TEX52: variants seen among roughly 807,000 people sequenced by gnomAD.
TEX52 encodes testis expressed 52, also known as testis-expressed protein 52.
A neutral mutation model predicts 17.6 loss-of-function variants in TEX52; 22 were observed. That is an observed-to-expected ratio of 1.25 (90% CI 0.89 to 1.78). TEX52 has a LOEUF of 1.78. TEX52 is among the 40% of genes most tolerant of loss of function. TEX52 has a pLI of 0.00. For missense variants in TEX52, 396 were observed against 372.3 expected (o/e 1.06, Z -0.52); for synonymous variants, 168 against 147.4 (o/e 1.14, Z -1.01).
At chr12:2,856,882 G>A in intron 1 of TEX52, 73 bp downstream of exon 1, 1 of 699,068 alleles carries the variant, frequency 1.4e-6, no homozygotes, top group South Asian at 1.5e-5. Context: ...AGAAAGCCTG[G>A]CCCACTATAA....
intron 2 of TEX52, among the ~76,000 whole-genome samples, chr12:2,852,817 G>A (rs1298198287): frequency 6.6e-6 from 1 of 152,030 alleles, no homozygotes; most frequent in African/African-American, 2.4e-5. Flanking sequence ...GGCCAACATG[G>A]AGAAACCCCG....
At chr12:2,853,812 G>A (rs902398974) in intron 2 of TEX52, among the ~76,000 whole-genome samples, 4 of 152,034 alleles carry the variant, frequency 2.6e-5, no homozygotes, top group African/African-American at 9.7e-5. Context: ...GAGCTGCGGG[G>A]TTCACAGCGG....
At chr12:2,854,795 G>A (rs940629208) in intron 2 of TEX52, 101 bp downstream of exon 2, 36 of 1,234,378 alleles carry the variant, frequency 2.9e-5, no homozygotes, top group Non-Finnish European at 3.4e-5. Context: ...TGGCCAGAGC[G>A]GGGAAGGACA....
intron 2 of TEX52, among the ~76,000 whole-genome samples, chr12:2,852,451 C>T (rs947426775): frequency 3.9e-5 from 6 of 152,088 alleles, no homozygotes; most frequent in Admixed American, 2.6e-4. Flanking sequence ...ACTGCAGCCT[C>T]GACCTCCTGG....
intron 2 of TEX52, among the ~76,000 whole-genome samples, chr12:2,850,233 T>G (rs1381089280): frequency 6.6e-6 from 1 of 152,050 alleles, no homozygotes; most frequent in Non-Finnish European, 1.5e-5. Flanking sequence ...CCCAGCACTT[T>G]GGGAGGCCGA....
intron 2 of TEX52, among the ~76,000 whole-genome samples, chr12:2,852,557 G>T (rs116763777): frequency 6.6e-6 from 1 of 151,924 alleles, no homozygotes. Flanking sequence ...TTGTGGAGAC[G>T]GGGTCTCATA....
rs1312781954 is a variant in TEX52, at chr12:2,854,889, G to A, written c.623+7C>T. On this transcript the variant is annotated splice_region_variant and intron_variant, in intron 2 of 2. Coordinates refer to ENST00000637658, the MANE Select transcript of TEX52 (RefSeq NM_001365174.2). Reference sequence around the variant, plus strand: ...TGGGTGGGCTCCCTGAGGAGGCACCGTCTTACTTCTTGAAGCTCGCTGGCG... The same window carrying A: ...TGGGTGGGCTCCCTGAGGAGGCACCATCTTACTTCTTGAAGCTCGCTGGCG... 40 of 1,530,958 alleles carry A rather than the reference G, an allele frequency of 2.6e-5. No individual in the cohort carries two copies. The highest frequency in any genetic ancestry group is 7.2e-5 in the South Asian group (6 of 83,224). 94.8% of individuals were successfully genotyped at this position (1,530,958 alleles called of 1,614,324 possible). A position where few individuals can be genotyped will look rare whatever the true frequency, so the allele number is the denominator to read the frequency against.
At chr12:2,850,847 T>G (rs2153928529) in intron 2 of TEX52, among the ~76,000 whole-genome samples, 1 of 151,994 alleles carries the variant, frequency 6.6e-6, no homozygotes, top group African/African-American at 2.4e-5. Flanking sequence ...ATTTTTTATA[T>G]TTTTAGTAGA....
chr12:2,855,492 G>A, intron 1 of TEX52, 46 bp from the exon 2 acceptor site: 1 of 1,348,274 alleles, frequency 7.4e-7, no homozygotes, highest in Non-Finnish European at 9.6e-7. Flanking sequence ...TGCAGACAGG[G>A]GTGCAGAAAG....
chr12:2,850,097 G>C (rs779190848), intron 2 of TEX52, among the ~76,000 whole-genome samples: 2 of 152,138 alleles, frequency 1.3e-5, no homozygotes, highest in Non-Finnish European at 2.9e-5. Flanking sequence ...CACCCTGGGA[G>C]CTTTTAAACA....
At chr12:2,853,958 C>T (rs1199199878) in intron 2 of TEX52, among the ~76,000 whole-genome samples, 1 of 152,172 alleles carries the variant, frequency 6.6e-6, no homozygotes, top group Non-Finnish European at 1.5e-5. Context: ...CTTCCTGTGG[C>T]GGGGACACTC....
In TEX52 at chr12:2,855,229, G is replaced by A. The variant is rs367773916; in HGVS notation, c.290C>T (p.Thr97Met). 3.6e-5 allele frequency: 54 copies of A among 1,506,546 alleles called. No individual in the cohort carries two copies. The highest frequency in any genetic ancestry group is 3.2e-4 in the African/African-American group (23 of 72,638). 93.3% of individuals were successfully genotyped at this position (1,506,546 alleles called of 1,614,324 possible). A position where few individuals can be genotyped will look rare whatever the true frequency, so the allele number is the denominator to read the frequency against. ...AGGCAGACGGCACACATCGAGCCAC[G>A]TGTGAAAGCCCCAGGTGTGCTGGGC... Reference protein sequence around the residue: ...GGAQHTWGFHTWLDVCRLPAT... With the variant: ...GGAQHTWGFHMWLDVCRLPAT... Residue 97 changes from threonine (T) to methionine (M), a missense_variant, in exon 2 of 3, where the codon ACG (threonine) becomes ATG (methionine). By Grantham distance (81) the Thr-to-Met change is moderately conservative. Transcript: ENST00000637658.
At chr12:2,855,928 A>G (rs2098085852) in intron 1 of TEX52, among the ~76,000 whole-genome samples, 1 of 152,032 alleles carries the variant, frequency 6.6e-6, no homozygotes, top group South Asian at 2.1e-4. Flanking sequence ...GGGTTTTCCC[A>G]TCCCAGACTC....
In TEX52 at chr12:2,849,405, C is replaced by G; in HGVS notation, c.744G>C (p.Gln248His). The change falls in exon 3 of 3, where the codon CAG becomes CAC. Residue 248 changes from glutamine to histidine, a missense_variant. Transcript: ENST00000637658. ...GCAAGGCCAGCTTTAGCACCTTCTC[C>G]TGGTAGTGAGGCAGAGGGTTTGGGC... ...WPCPNPLPHYQEKVLKLALLP... is the reference protein window; with the variant it reads ...WPCPNPLPHYHEKVLKLALLP... 1.3e-6 allele frequency: 2 copies of G among 1,536,188 alleles called. No individual in the cohort carries two copies. Among genetic ancestry groups the G allele is most frequent in the Non-Finnish European group, 1.7e-6 (2 of 1,146,928 alleles).
rs528039282 is a variant in TEX52, at chr12:2,853,675, C to G, written c.623+1221G>C. On this transcript the variant is annotated intron_variant, in intron 2 of 2. Coordinates refer to ENST00000637658, the MANE Select transcript of TEX52 (RefSeq NM_001365174.2). ...AACTCCCCAGTGCTTTGGTCCTGCC[C>G]TTGGGATTGGAATTTGAGACATTCC... 2.9e-4 allele frequency among the ~76,000 whole-genome samples: 44 copies of G among 152,194 alleles called. No individual in the cohort carries two copies. The East Asian group carries it at 7.9e-3, about 27-fold the overall frequency.
Position 2,855,402 on chromosome 12 carries a change from A to G in TEX52, c.117T>C (p.Ala39=). ...SESLPPSQTW[A]QREFFLPSES... is the part of the protein sequence containing the mutation. Reference sequence around the variant, plus strand: ...CGCTGGGGAGGAAGAACTCACGCTGAGCCCACGTTTGGGAGGGTGGGAGGG... The same window carrying G: ...CGCTGGGGAGGAAGAACTCACGCTGGGCCCACGTTTGGGAGGGTGGGAGGG... The change falls in exon 2 of 3, where the codon GCT becomes GCC. Residue 39 remains alanine, a synonymous_variant. Transcript: ENST00000637658. 1 of 410,754 alleles carries G rather than the reference A, an allele frequency of 2.4e-6. No homozygotes were observed. The highest frequency in any genetic ancestry group is 1.7e-5 in the South Asian group (1 of 57,266). 25.4% of individuals were successfully genotyped at this position (410,754 alleles called of 1,614,324 possible).
rs114779152 is a variant in TEX52, at chr12:2,852,051, T to G, written c.624-2526A>C. ...CAACTTCAACATCATCAGGCAGGAG[T>G]TTTTTTTTTAGCTCCATTATAATCT... On this transcript the variant is annotated intron_variant, in intron 2 of 2. Coordinates refer to ENST00000637658, the MANE Select transcript of TEX52 (RefSeq NM_001365174.2). 3.6e-3 allele frequency among the ~76,000 whole-genome samples: 534 copies of G among 148,050 alleles called. 4 individuals carry two copies. Among genetic ancestry groups the G allele is most frequent in the African/African-American group, 0.012 (476 of 40,270 alleles).
At position 2,856,978 on chromosome 12, in the gene TEX52, G is replaced by A; in HGVS notation, c.49C>T (p.His17Tyr). 1.4e-6 allele frequency: 1 copy of A among 703,056 alleles called. No individual in the cohort carries two copies. Among genetic ancestry groups the A allele is most frequent in the Non-Finnish European group, 2.6e-6 (1 of 385,012 alleles). 43.6% of individuals were successfully genotyped at this position (703,056 alleles called of 1,614,324 possible). The part of the protein sequence containing the change: ...RSLRGPSHPS[H>Y]MEEPFLQMVQ... ...ACCTGCAGGAAAGGTTCTTCCATATGAGATGGGTGACTGGGCCCTCTGAGT... is the reference window on the plus strand; with the variant it reads ...ACCTGCAGGAAAGGTTCTTCCATATAAGATGGGTGACTGGGCCCTCTGAGT... The change falls in exon 1 of 3, where the codon CAT becomes TAT. Residue 17 changes from histidine (H) to tyrosine (Y), a missense_variant. Physicochemically the swap from His to Tyr is moderately conservative, Grantham distance 83. Transcript: ENST00000637658.
At chr12:2,856,852 C>A (rs981579194) in intron 1 of TEX52, 103 bp downstream of exon 1, 9 of 685,686 alleles carry the variant, frequency 1.3e-5, no homozygotes, top group Non-Finnish European at 2.4e-5. Flanking sequence ...ATGTATGGGC[C>A]AGGCAGTCTG....
Sources: allele counts gnomAD v4.1 joint callset (sites outside exome capture counted in the v4.1 genomes callset), GRCh38; gene constraint gnomAD v4.1.1; transcripts MANE v1.5; gene names NCBI Gene and HGNC (gene_info 2026-07-23, HGNC 2026-07-21).